SERPING1: variants seen among roughly 807,000 people sequenced by gnomAD.
The protein encoded by SERPING1 is serpin family G member 1, also known as plasma protease C1 inhibitor.
SERPING1 carries 5 observed loss-of-function variants against 34.1 expected under a neutral mutation model. That is an observed-to-expected ratio of 0.15 (90% confidence interval 0.08 to 0.31). SERPING1 has a LOEUF of 0.31. Among genes scored for constraint, SERPING1 ranks in the 10% least tolerant of loss-of-function variants. The pLI, the probability that SERPING1 is intolerant of heterozygous loss-of-function variation, is 1.00. For missense variants in SERPING1, 505 were observed against 609.5 expected (o/e 0.83, Z 1.81); for synonymous variants, 225 against 242.4 (o/e 0.93, Z 0.67).
chr11:57,606,401 C>A lies in SERPING1; in HGVS notation c.890-7C>A. ...ATTAGAGCAACCCTCCCACCTCTTC[C>A]CTCTAGCCAAGTGGAAGACAACATT... On this transcript the variant is annotated splice_polypyrimidine_tract_variant and splice_region_variant and intron_variant, in intron 5 of 7. Coordinates refer to ENST00000278407, the MANE Select transcript of SERPING1 (RefSeq NM_000062.3). The A allele has an allele frequency of 6.2e-7, 1 of 1,614,148 alleles. No homozygotes were observed. The highest frequency in any genetic ancestry group is 8.5e-7 in the Non-Finnish European group (1 of 1,180,026).
At chr11:57,606,620 C>T (rs1945413278) in intron 6 of SERPING1, 73 bp downstream of exon 6, 1 of 1,498,360 alleles carries the variant, frequency 6.7e-7, no homozygotes, top group Non-Finnish European at 9.3e-7. Flanking sequence ...GCTGTAGTCC[C>T]ATCATTTTGG....
intron 4 of SERPING1, among the ~76,000 whole-genome samples, chr11:57,604,225 T>A (rs549739757): frequency 4.6e-5 from 7 of 151,922 alleles, no homozygotes; most frequent in South Asian, 2.1e-4. Context: ...AGACAAAAAA[T>A]TTTTTTGCTC....
chr11:57,611,618 G>A lies in SERPING1; in HGVS notation c.1030-99G>A, dbSNP rs1424794747. ...TCTGACTGATGCTTGTTGAAATACA[G>A]ACTGTGGGAGCAGACTGCAGGACAG... On this transcript the variant is annotated intron_variant, in intron 6 of 7. Transcript: ENST00000278407. The A allele has an allele frequency of 4.5e-6, 5 of 1,115,520 alleles. No individual in the cohort carries two copies. The East Asian group carries it at 1.2e-4, about 26-fold the overall frequency. The allele number at this position is 1,115,520 out of a possible 1,614,324, so 69.1% of individuals were successfully genotyped here. A position where few individuals can be genotyped will look rare whatever the true frequency, so the allele number is the denominator to read the frequency against.
In SERPING1 at chr11:57,612,407, T is replaced by C. The variant is rs893067074; in HGVS notation, c.1249+471T>C. On this transcript the variant is annotated intron_variant, in intron 7 of 7. Coordinates refer to ENST00000278407, the MANE Select transcript of SERPING1 (RefSeq NM_000062.3). ...AGGCAACAGAGACTCCATTTTCTTT[T>C]TTTTTTTTTTTTTTGAGACGGAGTC... Among the ~76,000 whole-genome samples, 83 of 150,362 alleles carry C rather than the reference T, an allele frequency of 5.5e-4. 1 individual carries two copies. The highest frequency in any genetic ancestry group is 1.9e-3 in the African/African-American group (76 of 41,064).
intron 1 of SERPING1, chr11:57,598,019 A>T: frequency 1.8e-6 from 1 of 558,920 alleles, no homozygotes; most frequent in Non-Finnish European, 3.3e-6. Context: ...ATGGACAGAG[A>T]CCCGGGCCCA....
At chr11:57,604,160 A>G (rs1057180355) in intron 4 of SERPING1, among the ~76,000 whole-genome samples, 7 of 151,714 alleles carry the variant, frequency 4.6e-5, no homozygotes, top group Non-Finnish European at 8.8e-5. Flanking sequence ...AAGAATACCC[A>G]TATGCATTCA....
intron 6 of SERPING1, among the ~76,000 whole-genome samples, chr11:57,607,934 C>T (rs1316722211): frequency 2.0e-5 from 3 of 152,238 alleles, no homozygotes; most frequent in Admixed American, 6.5e-5. Context: ...GCTGGGATTA[C>T]AGGCATGAGC....
At chr11:57,609,966 G>A (rs1945461021) in intron 6 of SERPING1, among the ~76,000 whole-genome samples, 1 of 152,068 alleles carries the variant, frequency 6.6e-6, no homozygotes, top group African/African-American at 2.4e-5. Flanking sequence ...TACCTGACAG[G>A]TCGTAATTAC....
In SERPING1 at chr11:57,614,347, T is replaced by C. The variant is rs750873571; in HGVS notation, c.1269T>C (p.Tyr423=). The part of the protein sequence containing the change: ...MEKLEFFDFS[Y]DLNLCGLTED... ...CCCTAGAATTCTTCGATTTTTCTTA[T>C]GACCTTAACCTGTGTGGGCTGACAG... The change falls in exon 8 of 8, where the codon TAT becomes TAC. Residue 423 remains tyrosine, a synonymous_variant. Transcript: ENST00000278407. 7.4e-6 allele frequency: 12 copies of C among 1,613,916 alleles called. No individual in the cohort carries two copies. The East Asian group carries it at 1.6e-4, about 21-fold the overall frequency.
intron 7 of SERPING1, among the ~76,000 whole-genome samples, chr11:57,613,884 G>A (rs1297241032): frequency 6.6e-6 from 1 of 152,058 alleles, no homozygotes; most frequent in Non-Finnish European, 1.5e-5. Context: ...GGATCTAGTA[G>A]CTCTGTGTCA....
rs752014842 is a variant in SERPING1, at chr11:57,602,176, G to A, written c.685+7G>A. ...CAGATCTTCCACAGCCCAGGTGAGT[G>A]CCCAGGAATGGGCAGTGTCTGCAGA... On this transcript the variant is annotated splice_region_variant and intron_variant, in intron 4 of 7. Coordinates refer to ENST00000278407, the MANE Select transcript of SERPING1 (RefSeq NM_000062.3). The A allele has an allele frequency of 4.3e-6, 7 of 1,614,144 alleles. No homozygotes were observed. The highest frequency in any genetic ancestry group is 1.7e-5 in the Admixed American group (1 of 60,022).
Position 57,598,254 on chromosome 11 carries a change from CTGACG to C in SERPING1, c.-15_-11del. 1 of 1,546,884 alleles carries C rather than the reference CTGACG, an allele frequency of 6.5e-7. No homozygotes were observed. The highest frequency in any genetic ancestry group is 8.7e-7 in the Non-Finnish European group (1 of 1,144,116). ...GAGGCTGGCTGGCTCCGCAGGTCCG[CTGACG>C]TCGCCGCCCAGATGGCCTCCAGGCT... On this transcript the variant is annotated 5_prime_UTR_variant, in exon 2 of 8. Transcript: ENST00000278407.
chr11:57,598,169 A>C, intron 1 of SERPING1, 80 bp from the exon 2 acceptor site: 1 of 1,056,968 alleles, frequency 9.5e-7, no homozygotes. Context: ...CTGAGACGGA[A>C]TGGGGGCGGG....
chr11:57,601,120 G>A (rs557665813), intron 3 of SERPING1, among the ~76,000 whole-genome samples: 1 of 151,980 alleles, frequency 6.6e-6, no homozygotes, highest in African/African-American at 2.4e-5. Flanking sequence ...AGAAAGCCAG[G>A]CCGGATGCGG....
At chr11:57,601,999 C>T in intron 3 of SERPING1, 36 bp from the exon 4 acceptor site, 1 of 1,613,892 alleles carries the variant, frequency 6.2e-7, no homozygotes, top group Non-Finnish European at 8.5e-7. Flanking sequence ...CCCGACTCAT[C>T]CTGCAAGTAT....
At chr11:57,602,229 G>T in intron 4 of SERPING1, 60 bp downstream of exon 4, 1 of 1,595,394 alleles carries the variant, frequency 6.3e-7, no homozygotes, top group East Asian at 2.2e-5. Flanking sequence ...CTCTGAAGGG[G>T]GACCCAGCGC....
intron 1 of SERPING1, chr11:57,598,011 G>A: frequency 1.8e-6 from 1 of 547,106 alleles, no homozygotes; most frequent in South Asian, 2.6e-5. Flanking sequence ...CTGAACAGAT[G>A]GACAGAGACC....
At chr11:57,613,047 T>G (rs1945498881) in intron 7 of SERPING1, among the ~76,000 whole-genome samples, 1 of 152,190 alleles carries the variant, frequency 6.6e-6, no homozygotes, top group Non-Finnish European at 1.5e-5. Context: ...GTGCCCAGCC[T>G]CATTTTCTAA....
At chr11:57,606,362 C>A (rs759072620) in intron 5 of SERPING1, 46 bp from the exon 6 acceptor site, 71 of 1,612,346 alleles carry the variant, frequency 4.4e-5, no homozygotes, top group Non-Finnish European at 5.9e-5. Flanking sequence ...CCTCTTCATC[C>A]TTTTCCTACC....
Sources: allele counts gnomAD v4.1 joint callset (sites outside exome capture counted in the v4.1 genomes callset), GRCh38; gene constraint gnomAD v4.1.1; transcripts MANE v1.5; gene names NCBI Gene and HGNC (gene_info 2026-07-23, HGNC 2026-07-21).